Variants in FAM168B observed in about 807,000 individuals in gnomAD.
The protein encoded by FAM168B is family with sequence similarity 168 member B.
In FAM168B, 19 loss-of-function variants were observed where a neutral mutation model predicts 21.8. That is an observed-to-expected ratio of 0.87 (90% confidence interval 0.61 to 1.28). The LOEUF (loss-of-function observed/expected upper bound fraction) is 1.28, where lower values mean the gene tolerates loss of function less well. FAM168B is among the 50% of genes most tolerant of loss of function. The pLI is 0.00. For synonymous variants in FAM168B, 126 were observed against 104.8 expected (o/e 1.20, Z -1.24); for missense variants, 233 against 263.1 (o/e 0.89, Z 0.79).
intron 3 of FAM168B, among the ~76,000 whole-genome samples, chr2:131,058,957 G>T (rs1573758381): frequency 2.0e-5 from 3 of 152,184 alleles, no homozygotes; most frequent in Non-Finnish European, 4.4e-5. Flanking sequence ...GGAAAAGGTA[G>T]TGTGTCCGGC....
chr2:131,080,168 G>C (rs1693363281), intron 2 of FAM168B, among the ~76,000 whole-genome samples: 1 of 151,910 alleles, frequency 6.6e-6, no homozygotes, highest in Admixed American at 6.6e-5. Context: ...AATGACTCCA[G>C]AGAGAAACAT....
chr2:131,085,607 G>A (rs1693653060), intron 1 of FAM168B, among the ~76,000 whole-genome samples: 1 of 152,212 alleles, frequency 6.6e-6, no homozygotes, highest in African/African-American at 2.4e-5. Context: ...GTAGTAAGAA[G>A]AAAATATTAG....
In FAM168B at chr2:131,048,549, T is replaced by C; in HGVS notation, c.*3916A>G. 1 of 1,115,030 alleles carries C rather than the reference T, an allele frequency of 9.0e-7. No individual in the cohort carries two copies. Among genetic ancestry groups the C allele is most frequent in the African/African-American group, 1.6e-5 (1 of 61,106 alleles). The allele number at this position is 1,115,030 out of a possible 1,614,324, so 69.1% of individuals were successfully genotyped here. A position where few individuals can be genotyped will look rare whatever the true frequency, so the allele number is the denominator to read the frequency against. ...ATGAGTAGGAAAAAGAGACAAACTT[T>C]CTGAAACATGCAGTTTCCGACCCAA... On this transcript the variant is annotated 3_prime_UTR_variant, in exon 7 of 7. Transcript: ENST00000389915.
At chr2:131,090,434 C>A (rs1193805277) in intron 1 of FAM168B, among the ~76,000 whole-genome samples, 4 of 151,766 alleles carry the variant, frequency 2.6e-5, no homozygotes, top group East Asian at 3.9e-4. Context: ...GTATGAAATA[C>A]TATAACACGA....
intron 3 of FAM168B, among the ~76,000 whole-genome samples, chr2:131,056,805 A>C (rs1461711573): frequency 6.6e-6 from 1 of 152,192 alleles, no homozygotes; most frequent in Non-Finnish European, 1.5e-5. Context: ...CACCATGTCA[A>C]AGGAGCCAGA....
Position 131,055,543 on chromosome 2 carries a change from C to T in FAM168B, c.297+10G>A, listed in dbSNP as rs1366088932. The T allele has an allele frequency of 2.5e-6, 4 of 1,601,456 alleles. No individual in the cohort carries two copies. The highest frequency in any genetic ancestry group is 1.7e-4 in the Middle Eastern group (1 of 5,990). On this transcript the variant is annotated intron_variant, in intron 4 of 6. Coordinates refer to ENST00000389915, the MANE Select transcript of FAM168B (RefSeq NM_001009993.4). The stretch of plus-strand genomic sequence containing the variant: ...CCCCTTCCCACACAGCAGTGTGTAC[C>T]CAAGCATACCTGTGCATACGGGCTC...
At chr2:131,093,109 C>A (rs1694124103) in intron 1 of FAM168B, 105 bp downstream of exon 1, 2 of 150,818 alleles carry the variant, frequency 1.3e-5, no homozygotes, top group Middle Eastern at 3.4e-3. Context: ...AGACGCCCAG[C>A]GACCCCGAGC....
intron 1 of FAM168B, 78 bp downstream of exon 1, chr2:131,093,136 C>A (rs890325441): frequency 2.7e-5 from 4 of 150,446 alleles, no homozygotes; most frequent in Non-Finnish European, 5.9e-5. Flanking sequence ...CCGACCTTGG[C>A]GCCGCCCCGA....
intron 3 of FAM168B, 95 bp from the exon 4 acceptor site, chr2:131,055,790 C>T: frequency 5.5e-6 from 8 of 1,463,364 alleles, no homozygotes; most frequent in Non-Finnish European, 7.4e-6. Flanking sequence ...CGTGTCAGCC[C>T]CACGCAACTC....
chr2:131,070,026 TTTTTGTA>T (rs1692794329), intron 3 of FAM168B, among the ~76,000 whole-genome samples: 1 of 150,328 alleles, frequency 6.7e-6, no homozygotes, highest in Non-Finnish European at 1.5e-5. Flanking sequence ...GCCCAGCTAA[TTTTTGTA>T]TTTTTAGTAG....
In FAM168B at chr2:131,050,587, TA is replaced by T. The variant is rs1691602622; in HGVS notation, c.*1877del. ...ATTCTATGTTAATAGACATCAGGAA[TA>T]AAGAATCTGCTGTTTACAATGATCC... On this transcript the variant is annotated 3_prime_UTR_variant, in exon 7 of 7. Coordinates refer to ENST00000389915, the MANE Select transcript of FAM168B (RefSeq NM_001009993.4). 1 of 985,538 alleles carries T rather than the reference TA, an allele frequency of 1.0e-6. No individual in the cohort carries two copies. The highest frequency in any genetic ancestry group is 4.7e-5 in the South Asian group (1 of 21,284). The allele number at this position is 985,538 out of a possible 1,614,324, so 61.0% of individuals were successfully genotyped here.
rs1320097604 is a variant in FAM168B at position 131,048,488 on chromosome 2, T to A, written c.*3977A>T. On this transcript the variant is annotated 3_prime_UTR_variant, in exon 7 of 7. Coordinates refer to ENST00000389915, the MANE Select transcript of FAM168B (RefSeq NM_001009993.4). The stretch of plus-strand genomic sequence containing the variant: ...TTCACTTCAGTCCTGTGGACCAAGA[T>A]AAGGCTATCCCCACAGGCTCTCTCT... 6.1e-6 allele frequency: 7 copies of A among 1,139,538 alleles called. No homozygotes were observed. The African/African-American group carries it at 1.1e-4, about 19-fold the overall frequency. The allele number at this position is 1,139,538 out of a possible 1,614,324, so 70.6% of individuals were successfully genotyped here.
chr2:131,065,694 C>T (rs1278415393), intron 3 of FAM168B, among the ~76,000 whole-genome samples: 1 of 150,264 alleles, frequency 6.7e-6, no homozygotes, highest in Non-Finnish European at 1.5e-5. Flanking sequence ...GAGGCTGAGG[C>T]AGGAGAATCG....
At chr2:131,053,097 C>G in intron 5 of FAM168B, 82 bp from the exon 6 acceptor site, 1 of 1,445,920 alleles carries the variant, frequency 6.9e-7, no homozygotes, top group Non-Finnish European at 9.1e-7. Flanking sequence ...AGCCTGGCCT[C>G]TTTGCAAGGA....
In FAM168B at chr2:131,050,275, G is replaced by A. The variant is rs938816477; in HGVS notation, c.*2190C>T. On this transcript the variant is annotated 3_prime_UTR_variant, in exon 7 of 7. Transcript: ENST00000389915. ...AGTTGTACATGTATGTTTCCATTTT[G>A]TTGTGTGGGGCTTTTTAAAAGCATA... The A allele has an allele frequency of 6.1e-6, 6 of 985,246 alleles. No homozygotes were observed. Among genetic ancestry groups the A allele is most frequent in the Middle Eastern group, 5.2e-4 (1 of 1,936 alleles). 61.0% of individuals were successfully genotyped at this position (985,246 alleles called of 1,614,324 possible).
chr2:131,055,150 T>A lies in FAM168B; in HGVS notation c.475+122A>T, dbSNP rs1425450594. ...GCTGTTTCTTCCCCAAAGAATTTTC[T>A]GTCCTTCCACACAACTACAGCTATG... is the stretch of plus-strand genomic sequence containing the variant. On this transcript the variant is annotated intron_variant, in intron 5 of 6. Transcript: ENST00000389915. The A allele has an allele frequency of 3.1e-6, 3 of 981,864 alleles. No homozygotes were observed. In the African/African-American group the frequency reaches 5.1e-5, roughly 17 times the overall value. 60.8% of individuals were successfully genotyped at this position (981,864 alleles called of 1,614,324 possible).
intron 1 of FAM168B, among the ~76,000 whole-genome samples, chr2:131,091,025 T>G (rs1297954278): frequency 6.6e-6 from 1 of 152,136 alleles, no homozygotes; most frequent in South Asian, 2.1e-4. Flanking sequence ...CCACCACACC[T>G]GGACAAAAAT....
chr2:131,089,459 G>A (rs186253552), intron 1 of FAM168B, among the ~76,000 whole-genome samples: 8 of 150,594 alleles, frequency 5.3e-5, no homozygotes, highest in Admixed American at 4.0e-4. Flanking sequence ...CTGGCCAGGC[G>A]CAGTGGCTCA....
chr2:131,073,429 G>T (rs1391590019), intron 2 of FAM168B, among the ~76,000 whole-genome samples: 4 of 152,068 alleles, frequency 2.6e-5, no homozygotes, highest in African/African-American at 7.2e-5. Flanking sequence ...TCTCCAGCAT[G>T]ACCAGCTAAT....
Sources: gnomAD v4.1 joint callset for allele counts (sites outside exome capture counted in the v4.1 genomes callset) on GRCh38, gnomAD v4.1.1 for gene constraint, MANE v1.5 for transcripts, NCBI Gene and HGNC (gene_info 2026-07-23, HGNC 2026-07-21) for gene names.